Variants in PARVA observed in about 807,000 individuals in gnomAD.
PARVA encodes the protein alpha-parvin.
Under a neutral mutation model 52.6 loss-of-function variants are expected in PARVA, and 25 were observed. The ratio of observed to expected loss-of-function variants is 0.48; its 90% CI spans 0.35 to 0.66. The LOEUF (loss-of-function observed/expected upper bound fraction) is 0.66, where lower values mean the gene tolerates loss of function less well. Ranked by LOEUF, PARVA falls within the 30% of genes least tolerant of loss-of-function variation. PARVA has a pLI of 0.01. For missense variants in PARVA, 373 were observed against 450.9 expected (o/e 0.83, Z 1.56); for synonymous variants, 185 against 179.1 (o/e 1.03, Z -0.26).
intron 1 of PARVA, among the ~76,000 whole-genome samples, chr11:12,470,366 C>T (rs1286952114): frequency 1.3e-5 from 2 of 152,232 alleles, no homozygotes; most frequent in African/African-American, 4.8e-5. Context: ...GGGTACTTTG[C>T]ATATATTAAC....
rs920537205 is a variant in PARVA at position 12,477,878 on chromosome 11, T to C, written c.329T>C (p.Val110Ala). The C allele has an allele frequency of 6.2e-7, 1 of 1,606,228 alleles. No homozygotes were observed. The highest frequency in any genetic ancestry group is 1.3e-5 in the African/African-American group (1 of 74,778). ...VLIDWINDVL[V>A]GERIIVKDLA... is the part of the protein sequence containing the mutation. ...ATTGACTGGATTAATGATGTGTTGGTTGGAGAAAGAATCATTGTGAAAGAC... is the reference window on the plus strand; with the variant it reads ...ATTGACTGGATTAATGATGTGTTGGCTGGAGAAAGAATCATTGTGAAAGAC... The change falls in exon 4 of 13, where the codon GTT (valine) becomes GCT (alanine). Residue 110 changes from valine to alanine, a missense_variant. By Grantham distance (64) the Val-to-Ala change is moderately conservative (BLOSUM62 0). Coordinates refer to ENST00000334956, the MANE Select transcript of PARVA (RefSeq NM_018222.5).
intron 1 of PARVA, among the ~76,000 whole-genome samples, chr11:12,433,644 A>C (rs1940346870): frequency 6.6e-6 from 1 of 152,178 alleles, no homozygotes; most frequent in Non-Finnish European, 1.5e-5. Context: ...AGAATCAGAG[A>C]GAATATTAGG....
At chr11:12,470,418 G>GCT (rs927285419) in intron 1 of PARVA, among the ~76,000 whole-genome samples, 5 of 152,194 alleles carry the variant, frequency 3.3e-5, no homozygotes, top group African/African-American at 1.2e-4. Context: ...CGGCAATATT[G>GCT]CTGTCACTCC....
In PARVA at chr11:12,477,780, G is replaced by T. The variant is rs976736442; in HGVS notation, c.298-67G>T. The T allele has an allele frequency of 3.6e-6, 3 of 824,748 alleles. No homozygotes were observed. In the Admixed American group the frequency reaches 5.4e-5, roughly 15 times the overall value. The allele number at this position is 824,748 out of a possible 1,614,324, so 51.1% of individuals were successfully genotyped here. A position where few individuals can be genotyped will look rare whatever the true frequency, so the allele number is the denominator to read the frequency against. On this transcript the variant is annotated intron_variant, in intron 3 of 12. Transcript: ENST00000334956. ...TTTAATTGTTTAGGATAAGAAAGCT[G>T]GTCTGTAAGAAAATACCCCATAACT...
chr11:12,377,279 T>G (rs1939404326), upstream of PARVA: 9 of 533,688 alleles, frequency 1.7e-5, no homozygotes, highest in Non-Finnish European at 2.4e-5. Flanking sequence ...AGATGTGTTT[T>G]GCGCCAGGCT....
chr11:12,400,263 A>G (rs977427564), intron 1 of PARVA, among the ~76,000 whole-genome samples: 1 of 152,136 alleles, frequency 6.6e-6, no homozygotes, highest in African/African-American at 2.4e-5. Context: ...TGTGGGAACA[A>G]CTTTAATTGT....
chr11:12,513,786 C>G (rs1373378597), intron 9 of PARVA: 1 of 601,388 alleles, frequency 1.7e-6, no homozygotes, highest in African/African-American at 1.9e-5. Context: ...CTTACACGCC[C>G]TGAGTTGTAT....
intron 1 of PARVA, among the ~76,000 whole-genome samples, chr11:12,390,663 C>T (rs1939646416): frequency 6.6e-6 from 1 of 152,154 alleles, no homozygotes; most frequent in Non-Finnish European, 1.5e-5. Flanking sequence ...CTGGTTCTTG[C>T]CTCCCTCACT....
intron 1 of PARVA, among the ~76,000 whole-genome samples, chr11:12,457,071 G>C (rs143193076): frequency 6.6e-6 from 1 of 152,312 alleles, no homozygotes; most frequent in African/African-American, 2.4e-5. Flanking sequence ...ATGCCTAGAA[G>C]ATGCAACTGG....
chr11:12,476,816 C>A (rs1941020314), intron 3 of PARVA, among the ~76,000 whole-genome samples: 1 of 152,212 alleles, frequency 6.6e-6, no homozygotes, highest in African/African-American at 2.4e-5. Flanking sequence ...CCAACATCAG[C>A]CCACCCAGGG....
intron 1 of PARVA, among the ~76,000 whole-genome samples, chr11:12,426,119 G>A (rs771070253): frequency 3.9e-5 from 6 of 152,162 alleles, no homozygotes; most frequent in Non-Finnish European, 5.9e-5. Flanking sequence ...CAAGTCAACC[G>A]ACAAATAAGT....
Position 12,416,289 on chromosome 11 carries a change from G to A in PARVA, c.136+38506G>A, listed in dbSNP as rs146434209. Among the ~76,000 whole-genome samples the A allele has an allele frequency of 5.8e-3, 890 of 152,226 alleles. 6 individuals are homozygous for A. Among genetic ancestry groups the A allele is most frequent in the Non-Finnish European group, 9.0e-3 (610 of 68,018 alleles). The stretch of plus-strand genomic sequence containing the variant: ...GGTTGAGGCAGCTTTTAAGAAAGCA[G>A]AGTCTACACATCCCCATCTTTCATC... On this transcript the variant is annotated intron_variant, in intron 1 of 12. Coordinates refer to ENST00000334956, the MANE Select transcript of PARVA (RefSeq NM_018222.5).
chr11:12,385,056 G>T (rs1939551976), intron 1 of PARVA, among the ~76,000 whole-genome samples: 1 of 152,152 alleles, frequency 6.6e-6, no homozygotes, highest in South Asian at 2.1e-4. Context: ...CTAGAATGAG[G>T]CTGGGCATGG....
At chr11:12,521,326 A>G (rs1327721278) in intron 12 of PARVA, among the ~76,000 whole-genome samples, 3 of 152,206 alleles carry the variant, frequency 2.0e-5, no homozygotes, top group Admixed American at 2.0e-4. Context: ...GAGATAGTGT[A>G]CAGAAGCCAA....
At chr11:12,446,912 A>G (rs1426592) in intron 1 of PARVA, among the ~76,000 whole-genome samples, 1 of 152,016 alleles carries the variant, frequency 6.6e-6, no homozygotes, top group African/African-American at 2.4e-5. Context: ...CTATAAGTCT[A>G]TAGGTTAAGT....
In PARVA at chr11:12,467,007, A is replaced by G. The variant is rs75891593; in HGVS notation, c.137-6738A>G. On this transcript the variant is annotated intron_variant, in intron 1 of 12. Transcript: ENST00000334956. ...ATTGAAATCTTAAGTTTTCCAGTCC[A>G]TGAACACTGAATATCTCTTCCTTTA... Among the ~76,000 whole-genome samples the G allele has an allele frequency of 1.5e-3, 228 of 152,364 alleles. 4 individuals carry two copies. The East Asian group carries it at 0.03, about 20-fold the overall frequency.
chr11:12,435,552 C>G (rs763944097), intron 1 of PARVA, among the ~76,000 whole-genome samples: 1 of 152,032 alleles, frequency 6.6e-6, no homozygotes, highest in Admixed American at 6.6e-5. Context: ...TAGCCAAACC[C>G]GTGGAATTAC....
At chr11:12,477,347 G>A (rs956843830) in intron 3 of PARVA, 22 of 154,482 alleles carry the variant, frequency 1.4e-4, no homozygotes, top group Non-Finnish European at 2.6e-4. Flanking sequence ...TGCCCGCCTC[G>A]ACCTCCCAAA....
At chr11:12,524,905 G>A (rs1451418257) in intron 12 of PARVA, among the ~76,000 whole-genome samples, 2 of 152,238 alleles carry the variant, frequency 1.3e-5, no homozygotes, top group South Asian at 2.1e-4. Context: ...AAGCATGTGG[G>A]AGTTTTGAGA....
Sources: gnomAD v4.1 joint callset for allele counts (sites outside exome capture counted in the v4.1 genomes callset) on GRCh38, gnomAD v4.1.1 for gene constraint, MANE v1.5 for transcripts, NCBI Gene and HGNC (gene_info 2026-07-23, HGNC 2026-07-21) for gene names.